Variants in TRIM37 observed in about 807,000 individuals in gnomAD.
TRIM37 encodes the protein tripartite motif containing 37.
TRIM37 carries 80 observed loss-of-function variants against 129.8 expected under a neutral mutation model. That is an observed-to-expected ratio of 0.62 (90% CI 0.51 to 0.74). The LOEUF (loss-of-function observed/expected upper bound fraction) is 0.74. Ranked by LOEUF, TRIM37 falls within the 30% of genes least tolerant of loss-of-function variation. The pLI is 0.00. For synonymous variants in TRIM37, 389 were observed against 387.1 expected, an observed-to-expected ratio of 1.00 and a Z score of -0.06; for missense variants, 1,054 against 1,176.5, an observed-to-expected ratio of 0.90 and a Z score of 1.52.
At chr17:59,042,557 T>A (rs2039367470) in intron 16 of TRIM37, among the ~76,000 whole-genome samples, 1 of 148,992 alleles carries the variant, frequency 6.7e-6, no homozygotes, top group South Asian at 2.1e-4. Context: ...GAGGTCAGGA[T>A]TTCGAGACCA....
At chr17:59,042,526 G>A (rs758625864) in intron 16 of TRIM37, among the ~76,000 whole-genome samples, 1 of 147,100 alleles carries the variant, frequency 6.8e-6, no homozygotes. Flanking sequence ...ACTTTGGGAG[G>A]CTAAGGTGGG....
At chr17:59,095,877 C>A (rs1368868378) in intron 2 of TRIM37, among the ~76,000 whole-genome samples, 2 of 152,124 alleles carry the variant, frequency 1.3e-5, no homozygotes, top group Non-Finnish European at 2.9e-5. Context: ...CCCACCACAT[C>A]CAGCTAATTT....
chr17:59,053,017 C>T (rs748778442), intron 13 of TRIM37, among the ~76,000 whole-genome samples: 18 of 146,144 alleles, frequency 1.2e-4, no homozygotes, highest in Non-Finnish European at 2.0e-4. Flanking sequence ...GATTAAATTA[C>T]GTTCTGAACG....
At chr17:59,022,956 A>G (rs995037823) in intron 19 of TRIM37, among the ~76,000 whole-genome samples, 1 of 152,186 alleles carries the variant, frequency 6.6e-6, no homozygotes, top group Non-Finnish European at 1.5e-5. Context: ...GGCTTGTTGT[A>G]CTGTACAGGT....
chr17:59,001,459 A>G lies in TRIM37; in HGVS notation c.2812+139T>C, dbSNP rs1051953541. 2.0e-5 allele frequency: 21 copies of G among 1,061,878 alleles called. 1 individual carries two copies. The highest frequency in any genetic ancestry group is 2.5e-5 in the Non-Finnish European group (19 of 747,460). The allele number at this position is 1,061,878 out of a possible 1,614,324, so 65.8% of individuals were successfully genotyped here. On this transcript the variant is annotated intron_variant, in intron 23 of 23. Transcript: ENST00000262294. ...GTCTCACAAATGACAATAATTAAAA[A>G]AAAAAAAAAAGAAGTAGAAGCAGAA... is the stretch of plus-strand genomic sequence containing the variant.
chr17:59,067,026 T>TTTTATTTA (rs1288411238), intron 9 of TRIM37, among the ~76,000 whole-genome samples: 2 of 152,000 alleles, frequency 1.3e-5, no homozygotes, highest in African/African-American at 2.4e-5. Context: ...TAAATTTAAA[T>TTTTATTTA]TTTATTTATT....
At chr17:58,990,418 G>A (rs189966192) in intron 24 of TRIM37, among the ~76,000 whole-genome samples, 10 of 151,686 alleles carry the variant, frequency 6.6e-5, no homozygotes, top group Non-Finnish European at 1.3e-4. Flanking sequence ...GTGAACCTTG[G>A]AGATGGAGGT....
At chr17:58,977,510 T>C in the TRIM37 span, among the ~76,000 whole-genome samples, 201 of 150,666 alleles carry the variant, frequency 1.3e-3, 1 homozygote, top group Admixed American at 9.3e-3. Context: ...AGATGAGAGG[T>C]TGTGTTTGTG....
chr17:58,969,405 A>G, the TRIM37 span: 1 of 874,628 alleles, frequency 1.1e-6, no homozygotes, highest in African/African-American at 1.6e-5. Flanking sequence ...AGAGAAGGAA[A>G]ACATTTAGTC....
chr17:59,104,433 C>T, intron 1 of TRIM37, 39 bp from the exon 2 acceptor site: 3 of 1,574,780 alleles, frequency 1.9e-6, no homozygotes, highest in African/African-American at 1.3e-5. Flanking sequence ...CCAGTTTAGG[C>T]TACTGAATCA....
In TRIM37 at chr17:59,017,359, G is replaced by A. The variant is rs904920254; in HGVS notation, c.2323C>T (p.Arg775Ter). The A allele has an allele frequency of 6.2e-7, 1 of 1,614,086 alleles. No homozygotes were observed. The highest frequency in any genetic ancestry group is 8.5e-7 in the Non-Finnish European group (1 of 1,180,002). Reference sequence around the variant, plus strand: ...TTTTCTCCAGGGTCCACTGCTCTTCGAAGTGATAGACTACCTGCTACACTG... The same window carrying A: ...TTTTCTCCAGGGTCCACTGCTCTTCAAAGTGATAGACTACCTGCTACACTG... ...RSSVAGSLSLRRAVDPGENSR... is the reference protein window; with the variant it reads ...RSSVAGSLSL Residue 775 changes from arginine to a stop codon, truncating the protein, a stop_gained, in exon 20 of 24, where the codon CGA (arginine) becomes TGA (stop). Transcript: ENST00000262294. LOFTEE classifies it high-confidence loss of function.
chr17:59,071,164 C>T (rs2042326212), intron 8 of TRIM37, among the ~76,000 whole-genome samples: 1 of 151,960 alleles, frequency 6.6e-6, no homozygotes, highest in Admixed American at 6.6e-5. Context: ...AATACTAATG[C>T]ATTTTTCTCT....
chr17:59,030,899 G>C (rs772870297), intron 18 of TRIM37, among the ~76,000 whole-genome samples: 1 of 152,186 alleles, frequency 6.6e-6, no homozygotes, highest in Non-Finnish European at 1.5e-5. Flanking sequence ...GAACCTGTCT[G>C]TTTCACTGGG....
At chr17:59,037,037 C>T (rs1374077937) in intron 17 of TRIM37, among the ~76,000 whole-genome samples, 2 of 152,010 alleles carry the variant, frequency 1.3e-5, no homozygotes, top group Non-Finnish European at 2.9e-5. Context: ...ATGGCTTGAA[C>T]CCGGGAGGCA....
chr17:59,061,804 A>T (rs1016637193), intron 11 of TRIM37, among the ~76,000 whole-genome samples: 3 of 152,148 alleles, frequency 2.0e-5, no homozygotes, highest in Non-Finnish European at 4.4e-5. Context: ...AGAGATCCTT[A>T]TACATCTCCA....
Position 59,070,868 on chromosome 17 carries a change from G to A in TRIM37, c.764C>T (p.Pro255Leu). Residue 255 changes from proline (P) to leucine (L), a missense_variant, in exon 9 of 24, where the codon CCC becomes CTC. Around this residue, in one of 3 missense-constraint regions of TRIM37, gnomAD observed 752 missense variants for 870.8 expected, o/e 0.86. Transcript: ENST00000262294. ...LMMFQQVHRK[P>L]MASFVTTPVP... is the part of the protein sequence containing the mutation. ...AGGAGTGGTAACAAAAGATGCCATG[G>A]GCTTCCGATGAACTTGCTGAAACAT... 1.2e-6 allele frequency: 2 copies of A among 1,613,972 alleles called. No individual in the cohort carries two copies. Among genetic ancestry groups the A allele is most frequent in the Non-Finnish European group, 1.7e-6 (2 of 1,179,942 alleles).
At chr17:59,042,439 A>ATATAT (rs1184637891) in intron 16 of TRIM37, among the ~76,000 whole-genome samples, 7 of 82,122 alleles carry the variant, frequency 8.5e-5, no homozygotes, top group African/African-American at 4.3e-4. Flanking sequence ...TTTAAAAAAA[A>ATATAT]AAAAAAAAAA....
intron 5 of TRIM37, among the ~76,000 whole-genome samples, chr17:59,081,964 A>AAAAAAAAAAAAAAAAAAATAAT (rs1568200247): frequency 2.3e-5 from 2 of 87,226 alleles, no homozygotes; most frequent in African/African-American, 5.1e-5. Context: ...AAAAAAAAAA[A>AAAAAAAAAAAAAAAAAAATAAT]AATAATAATA....
intron 19 of TRIM37, among the ~76,000 whole-genome samples, chr17:59,019,754 G>C (rs1207922096): frequency 1.3e-5 from 2 of 151,904 alleles, no homozygotes. Context: ...GGAAAAAGTA[G>C]ATTAGTGGTT....
Sources: allele counts gnomAD v4.1 joint callset (sites outside exome capture counted in the v4.1 genomes callset), GRCh38; gene constraint gnomAD v4.1.1; regional missense constraint gnomAD v4.1.1; transcripts MANE v1.5; gene names NCBI Gene and HGNC (gene_info 2026-07-23, HGNC 2026-07-21).